The following ZC3H18 variants were observed in gnomAD, a reference collection of about 807,000 sequenced individuals.
ZC3H18 encodes the protein zinc finger CCCH-type containing 18.
In ZC3H18, 8 loss-of-function variants were observed where a neutral mutation model predicts 106.1. That is an observed-to-expected ratio of 0.08 (90% confidence interval 0.04 to 0.14). The LOEUF (loss-of-function observed/expected upper bound fraction) is 0.14, where lower values mean the gene tolerates loss of function less well. Ranked by LOEUF, ZC3H18 falls within the 10% of genes least tolerant of loss-of-function variation. The probability of loss-of-function intolerance (pLI) is 1.00; values close to 1 mark genes in which losing one functional copy is unlikely to be tolerated. For missense variants in ZC3H18, 1,318 were observed against 1,278.4 expected (o/e 1.03, Z -0.47); for synonymous variants, 635 against 522.1 (o/e 1.22, Z -2.95).
chr16:88,630,749 AC>A (rs1277102238), intron 17 of ZC3H18, among the ~76,000 whole-genome samples, 168 bp downstream of exon 17: 4 of 43,182 alleles, frequency 9.3e-5, no homozygotes, highest in East Asian at 1.2e-3. Flanking sequence ...TTGCAGCCCC[AC>A]CCCCCACCCC....
intron 17 of ZC3H18, 98 bp from the exon 18 acceptor site, chr16:88,631,003 C>A (rs1313476202): frequency 2.5e-5 from 37 of 1,487,294 alleles, no homozygotes; most frequent in Non-Finnish European, 3.7e-6. Context: ...TCCTGGTGGC[C>A]GCTGAGGACA....
At chr16:88,597,904 C>T (rs8050943) in intron 3 of ZC3H18, among the ~76,000 whole-genome samples, 133,576 of 152,286 alleles carry the variant, frequency 0.88, 58,847 homozygotes, top group East Asian at 0.95. Flanking sequence ...ACAGTTGATA[C>T]GCGTGAACTC....
chr16:88,621,847 T>C (rs1905983221), intron 8 of ZC3H18, among the ~76,000 whole-genome samples: 1 of 152,204 alleles, frequency 6.6e-6, no homozygotes, highest in East Asian at 1.9e-4. Context: ...GAGATAGTAT[T>C]AGACACGGCA....
intron 4 of ZC3H18, 77 bp from the exon 5 acceptor site, chr16:88,598,543 G>A: frequency 6.7e-7 from 1 of 1,490,604 alleles, no homozygotes; most frequent in South Asian, 1.2e-5. Flanking sequence ...TGTTGTAGTT[G>A]ATGTTTTTAC....
chr16:88,591,331 G>T (rs975848035), intron 3 of ZC3H18, among the ~76,000 whole-genome samples: 6 of 152,010 alleles, frequency 3.9e-5, no homozygotes, highest in Non-Finnish European at 8.8e-5. Context: ...ATAGCACTTT[G>T]GGAGGCCGAG....
At chr16:88,609,982 G>A (rs187201008) in intron 7 of ZC3H18, among the ~76,000 whole-genome samples, 1 of 151,946 alleles carries the variant, frequency 6.6e-6, no homozygotes, top group Non-Finnish European at 1.5e-5. Flanking sequence ...CTGCTCGGGC[G>A]TGTCACTCTT....
In ZC3H18 at chr16:88,607,812, G is replaced by A. The variant is rs80071693; in HGVS notation, c.1089-1122G>A. Among the ~76,000 whole-genome samples the A allele has an allele frequency of 3.3e-3, 489 of 150,452 alleles. 8 individuals are homozygous for A. The highest frequency in any genetic ancestry group is 0.012 in the African/African-American group (474 of 40,764). On this transcript the variant is annotated intron_variant, in intron 6 of 17. Transcript: ENST00000301011. ...CCCATTCACATGCTTCATGTCAGGC[G>A]TCTCCCCATTTATTCACGCACGCTT...
In ZC3H18 at chr16:88,572,875, A is replaced by G. The variant is rs905434633; in HGVS notation, c.-15+2309A>G. ...TGGGTTCAAGTGATTCTCCTGCCTC[A>G]GCCTCCTGAGTAGCTGGGACTACAG... On this transcript the variant is annotated intron_variant, in intron 1 of 17. Coordinates refer to ENST00000301011, the MANE Select transcript of ZC3H18 (RefSeq NM_144604.4). Among the ~76,000 whole-genome samples the G allele has an allele frequency of 2.0e-4, 31 of 152,002 alleles. 1 individual carries two copies. Among genetic ancestry groups the G allele is most frequent in the Non-Finnish European group, 3.2e-4 (22 of 67,932 alleles).
chr16:88,576,091 G>A (rs1014587441), intron 1 of ZC3H18, among the ~76,000 whole-genome samples: 2 of 152,102 alleles, frequency 1.3e-5, no homozygotes, highest in South Asian at 2.1e-4. Flanking sequence ...TCATAGAGAC[G>A]GGGTTTCACC....
At chr16:88,597,505 A>G (rs1290901650) in intron 3 of ZC3H18, among the ~76,000 whole-genome samples, 2 of 152,384 alleles carry the variant, frequency 1.3e-5, no homozygotes, top group East Asian at 3.9e-4. Context: ...ATTTTAAAAA[A>G]GTGATTCACT....
chr16:88,586,641 C>G lies in ZC3H18; in HGVS notation c.645C>G (p.Asp215Glu). 6.2e-7 allele frequency: 1 copy of G among 1,614,222 alleles called. No individual in the cohort carries two copies. Residue 215 changes from aspartate (D) to glutamate (E), a missense_variant, in exon 3 of 18, where the codon GAC becomes GAG. Transcript: ENST00000301011. ...AAGGTGAAGTGAAGGACCCCAGTGA[C>G]AGGAAGGTGAGGCCTCGTCCCACCT... ...LEEGEVKDPS[D>E]RKVRPRPTCR...
chr16:88,624,891 T>G, intron 12 of ZC3H18, 146 bp downstream of exon 12: 5 of 1,260,706 alleles, frequency 4.0e-6, no homozygotes, highest in Non-Finnish European at 4.3e-6. Context: ...AGTGAGCCCT[T>G]ACCCGGGAAC....
intron 3 of ZC3H18, among the ~76,000 whole-genome samples, chr16:88,592,931 T>C (rs1314023723): frequency 6.6e-6 from 1 of 152,220 alleles, no homozygotes; most frequent in African/African-American, 2.4e-5. Context: ...TTTATTAAAG[T>C]AATATTTATG....
intron 8 of ZC3H18, among the ~76,000 whole-genome samples, chr16:88,614,358 C>G (rs1051606511): frequency 1.3e-5 from 2 of 152,250 alleles, no homozygotes; most frequent in Non-Finnish European, 2.9e-5. Flanking sequence ...GCCCCTTGTC[C>G]TCCTCATCTT....
intron 8 of ZC3H18, among the ~76,000 whole-genome samples, chr16:88,620,332 T>C (rs1905879202): frequency 6.6e-6 from 1 of 152,330 alleles, no homozygotes; most frequent in Admixed American, 6.5e-5. Flanking sequence ...CTCAAGCTTA[T>C]AACCCCAGCA....
chr16:88,575,231 G>A (rs948974219), intron 1 of ZC3H18, among the ~76,000 whole-genome samples: 1 of 151,910 alleles, frequency 6.6e-6, no homozygotes, highest in East Asian at 1.9e-4. Context: ...CTTTAAACAG[G>A]TTGTATTAAA....
intron 10 of ZC3H18, 160 bp downstream of exon 10, chr16:88,623,504 A>C: frequency 1.1e-6 from 1 of 938,146 alleles, no homozygotes; most frequent in African/African-American, 1.7e-5. Flanking sequence ...TGTGTCCCCC[A>C]CCAAACACCA....
intron 8 of ZC3H18, among the ~76,000 whole-genome samples, chr16:88,614,357 C>T (rs1304077514): frequency 1.3e-5 from 2 of 152,246 alleles, no homozygotes; most frequent in African/African-American, 4.8e-5. Flanking sequence ...AGCCCCTTGT[C>T]CTCCTCATCT....
chr16:88,617,697 C>A (rs998890767), intron 8 of ZC3H18, among the ~76,000 whole-genome samples: 2 of 152,188 alleles, frequency 1.3e-5, no homozygotes, highest in Non-Finnish European at 2.9e-5. Context: ...TGGGGTGGAC[C>A]CCTGAGACTG....
Sources: allele counts gnomAD v4.1 joint callset (sites outside exome capture counted in the v4.1 genomes callset), GRCh38; gene constraint gnomAD v4.1.1; transcripts MANE v1.5; gene names NCBI Gene and HGNC (gene_info 2026-07-23, HGNC 2026-07-21).